Variants in FBXO11 observed in about 807,000 individuals in gnomAD.
The protein encoded by FBXO11 is F-box only protein 11.
A neutral mutation model predicts 117.0 loss-of-function variants in FBXO11; 13 were observed. The observed-to-expected ratio is 0.11, with a 90% CI of 0.07 to 0.18. The LOEUF (loss-of-function observed/expected upper bound fraction) is 0.18, where lower values mean the gene tolerates loss of function less well. Ranked by LOEUF, FBXO11 falls within the 10% of genes least tolerant of loss-of-function variation. The probability of loss-of-function intolerance (pLI) is 1.00; values close to 1 mark genes in which losing one functional copy is unlikely to be tolerated. For missense variants in FBXO11, 767 were observed against 1,164.4 expected, an observed-to-expected ratio of 0.66 and a Z score of 4.97; for synonymous variants, 490 against 380.5, an observed-to-expected ratio of 1.29 and a Z score of -3.35.
intron 11 of FBXO11, among the ~76,000 whole-genome samples, chr2:47,826,204 GC>G: frequency 6.6e-6 from 1 of 151,792 alleles, no homozygotes; most frequent in African/African-American, 2.4e-5. Flanking sequence ...GACTACAGGT[GC>G]CGCCACCATG....
At position 47,812,974 on chromosome 2, in the gene FBXO11, GT is replaced by G. The variant is rs1038745492; in HGVS notation, c.2227+259del. The G allele has an allele frequency of 4.8e-5, 22 of 460,664 alleles. No homozygotes were observed. In the Admixed American group the frequency reaches 7.8e-4, roughly 16 times the overall value. 28.5% of individuals were successfully genotyped at this position (460,664 alleles called of 1,614,324 possible). A position where few individuals can be genotyped will look rare whatever the true frequency, so the allele number is the denominator to read the frequency against. The stretch of plus-strand genomic sequence containing the variant: ...ATATTACTATTCTGAATTTTAAAAG[GT>G]CCAGAGAATGTAAACAAATTCTATC... On this transcript the variant is annotated intron_variant, in intron 18 of 22. Transcript: ENST00000403359.
rs1279478452 is a variant in FBXO11, at chr2:47,808,011, A to C, written c.*107T>G. 28 of 1,020,306 alleles carry C rather than the reference A, an allele frequency of 2.7e-5. No individual in the cohort carries two copies. Among genetic ancestry groups the C allele is most frequent in the Non-Finnish European group, 3.7e-5 (26 of 697,414 alleles). The allele number at this position is 1,020,306 out of a possible 1,614,324, so 63.2% of individuals were successfully genotyped here. A position where few individuals can be genotyped will look rare whatever the true frequency, so the allele number is the denominator to read the frequency against. ...CAACTGACCTTGTGTATCCATTTTTAATACAGTCTCTTCCTGTAGCATGGG... is the reference window on the plus strand; with the variant it reads ...CAACTGACCTTGTGTATCCATTTTTCATACAGTCTCTTCCTGTAGCATGGG... On this transcript the variant is annotated 3_prime_UTR_variant, in exon 23 of 23. Coordinates refer to ENST00000403359, the MANE Select transcript of FBXO11 (RefSeq NM_001190274.2).
At chr2:47,810,665 G>A (rs1433527090) in intron 18 of FBXO11, 3 of 378,702 alleles carry the variant, frequency 7.9e-6, no homozygotes, top group Non-Finnish European at 1.4e-5. Context: ...TGATAGCAGG[G>A]TCCATGTCTA....
chr2:47,887,298 TG>T (rs1295853613), intron 1 of FBXO11, among the ~76,000 whole-genome samples: 2 of 81,292 alleles, frequency 2.5e-5, no homozygotes, highest in Non-Finnish European at 4.9e-5. Context: ...AAAAAAAAGG[TG>T]GGGGGGAGGG....
chr2:47,842,728 C>T (rs1457105475), intron 1 of FBXO11, among the ~76,000 whole-genome samples: 2 of 148,426 alleles, frequency 1.3e-5, no homozygotes, highest in Non-Finnish European at 3.0e-5. Context: ...AAATATTATT[C>T]GATTAACATC....
chr2:47,855,046 A>G (rs1674173929), intron 1 of FBXO11, among the ~76,000 whole-genome samples: 1 of 152,176 alleles, frequency 6.6e-6, no homozygotes, highest in Non-Finnish European at 1.5e-5. Context: ...GAATAAGAAC[A>G]AAATAGAACA....
At position 47,905,396 on chromosome 2, in the gene FBXO11, G is replaced by A. The variant is rs934030736; in HGVS notation, c.232+93C>T. The A allele has an allele frequency of 5.6e-6, 6 of 1,077,896 alleles. No individual in the cohort carries two copies. The African/African-American group carries it at 6.9e-5, about 12-fold the overall frequency. 66.8% of individuals were successfully genotyped at this position (1,077,896 alleles called of 1,614,324 possible). On this transcript the variant is annotated intron_variant, in intron 1 of 22. Coordinates refer to ENST00000403359, the MANE Select transcript of FBXO11 (RefSeq NM_001190274.2). ...GGGTCTCCCACCCCCAGGGCGCGCA[G>A]GCCGCCCCCGCCCGCCCGCCCGCCC...
chr2:47,900,576 A>G (rs999963857), intron 1 of FBXO11, among the ~76,000 whole-genome samples: 5 of 139,586 alleles, frequency 3.6e-5, no homozygotes, highest in African/African-American at 1.3e-4. Flanking sequence ...ACACACGTAT[A>G]CACACATATA....
chr2:47,812,760 A>G (rs1441689293), intron 18 of FBXO11: 2 of 201,224 alleles, frequency 9.9e-6, no homozygotes, highest in South Asian at 8.4e-5. Context: ...TTTTGCCTCA[A>G]TGCAAAGTGA....
chr2:47,825,650 C>T (rs1006962324), intron 11 of FBXO11, among the ~76,000 whole-genome samples: 4 of 145,940 alleles, frequency 2.7e-5, no homozygotes, highest in African/African-American at 7.6e-5. Context: ...TGCAATCACT[C>T]ACTGAAGCCT....
At chr2:47,893,436 T>A (rs897192566) in intron 1 of FBXO11, among the ~76,000 whole-genome samples, 1 of 152,162 alleles carries the variant, frequency 6.6e-6, no homozygotes, top group Non-Finnish European at 1.5e-5. Context: ...TGTATGTATC[T>A]TATTCAGGCA....
chr2:47,905,054 C>G (rs1157102644), intron 1 of FBXO11: 1 of 153,634 alleles, frequency 6.5e-6, no homozygotes, highest in Non-Finnish European at 1.4e-5. Context: ...CCCAGCCAAC[C>G]CCACCACCCG....
Position 47,905,571 on chromosome 2 carries a change from C to A in FBXO11, c.150G>T (p.Gln50His). ...PPQQQPPPPP[Q>H]QQQQQQPPPP... Reference sequence around the variant, plus strand: ...GCGGAGGCTGCTGCTGCTGCTGCTGCTGCGGCGGCGGCGGAGGCTGCTGCT... The same window carrying A: ...GCGGAGGCTGCTGCTGCTGCTGCTGATGCGGCGGCGGCGGAGGCTGCTGCT... The change falls in exon 1 of 23, where the codon CAG becomes CAT. Residue 50 changes from glutamine to histidine, a missense_variant. Transcript: ENST00000403359. 8.0e-7 allele frequency: 1 copy of A among 1,256,552 alleles called. No individual in the cohort carries two copies. The highest frequency in any genetic ancestry group is 1.0e-6 in the Non-Finnish European group (1 of 1,004,638). The allele number at this position is 1,256,552 out of a possible 1,614,324, so 77.8% of individuals were successfully genotyped here. A position where few individuals can be genotyped will look rare whatever the true frequency, so the allele number is the denominator to read the frequency against.
At chr2:47,819,259 C>A (rs1012502433) in intron 14 of FBXO11, among the ~76,000 whole-genome samples, 181 bp from the exon 15 acceptor site, 3 of 152,160 alleles carry the variant, frequency 2.0e-5, no homozygotes, top group African/African-American at 7.2e-5. Flanking sequence ...CTCTGTCGCC[C>A]AGGCTGGAGT....
chr2:47,820,256 CA>C (rs1355554899), intron 14 of FBXO11, 105 bp downstream of exon 14: 1 of 657,410 alleles, frequency 1.5e-6, no homozygotes, highest in Non-Finnish European at 2.5e-6. Flanking sequence ...GTCACAAATT[CA>C]TACCTCAAAA....
chr2:47,824,273 A>G (rs1395698035), intron 11 of FBXO11, among the ~76,000 whole-genome samples: 2 of 152,120 alleles, frequency 1.3e-5, no homozygotes, highest in Non-Finnish European at 2.9e-5. Flanking sequence ...GGACTGCTTG[A>G]GCCCTGGAGC....
intron 1 of FBXO11, among the ~76,000 whole-genome samples, chr2:47,840,792 C>G (rs1423447278): frequency 6.6e-6 from 1 of 150,746 alleles, no homozygotes; most frequent in East Asian, 2.0e-4. Context: ...GAGCAAGACC[C>G]TGTCTCAAAA....
chr2:47,832,772 T>C lies in FBXO11; in HGVS notation c.1150A>G (p.Thr384Ala). The part of the protein sequence containing the change: ...IDHCIIRSTC[T>A]VGSAVCVSGQ... ...AAAATATAAAGAAAACACTAACCTGTACATGTACTTCGGATGATACAGTGA... is the reference window on the plus strand; with the variant it reads ...AAAATATAAAGAAAACACTAACCTGCACATGTACTTCGGATGATACAGTGA... The change falls in exon 9 of 23, where the codon ACA becomes GCA. Residue 384 changes from threonine (T) to alanine (A), a missense_variant. Physicochemically the swap from Thr to Ala is moderately conservative, Grantham distance 58. Transcript: ENST00000403359. 1.2e-6 allele frequency: 2 copies of C among 1,611,812 alleles called. No individual in the cohort carries two copies. The highest frequency in any genetic ancestry group is 1.7e-6 in the Non-Finnish European group (2 of 1,177,918).
At chr2:47,899,382 T>C (rs1677926353) in intron 1 of FBXO11, among the ~76,000 whole-genome samples, 1 of 152,152 alleles carries the variant, frequency 6.6e-6, no homozygotes, top group African/African-American at 2.4e-5. Flanking sequence ...TAATTTTATA[T>C]ACAGCTGATA....
Sources: allele counts gnomAD v4.1 joint callset (sites outside exome capture counted in the v4.1 genomes callset), GRCh38; gene constraint gnomAD v4.1.1; transcripts MANE v1.5; gene names NCBI Gene and HGNC (gene_info 2026-07-23, HGNC 2026-07-21).